The following NCKAP5 variants were observed in gnomAD, a reference collection of about 807,000 sequenced individuals.
NCKAP5 encodes NCK associated protein 5.
A neutral mutation model predicts 167.0 loss-of-function variants in NCKAP5; 92 were observed. The ratio of observed to expected loss-of-function variants is 0.55; its 90% CI spans 0.47 to 0.66. The LOEUF (loss-of-function observed/expected upper bound fraction) is 0.66. NCKAP5 is among the 30% of genes least tolerant of loss of function. The probability of loss-of-function intolerance (pLI) is 0.00; values close to 1 mark genes in which losing one functional copy is unlikely to be tolerated. For missense variants in NCKAP5, 2,378 were observed against 2,315.0 expected, an observed-to-expected ratio of 1.03 and a Z score of -0.56; for synonymous variants, 891 against 877.4, an observed-to-expected ratio of 1.02 and a Z score of -0.27.
At chr2:133,488,794 T>C (rs1174470043) in intron 3 of NCKAP5, among the ~76,000 whole-genome samples, 5 of 152,170 alleles carry the variant, frequency 3.3e-5, no homozygotes, top group Non-Finnish European at 5.9e-5. Flanking sequence ...CACGCACCTA[T>C]AGTCTCAGCT....
Position 133,449,462 on chromosome 2 carries a change from G to C in NCKAP5, c.69+67996C>G, listed in dbSNP as rs563514840. Among the ~76,000 whole-genome samples the C allele has an allele frequency of 1.9e-3, 286 of 152,258 alleles. 4 individuals are homozygous for C. Among genetic ancestry groups the C allele is most frequent in the Middle Eastern group, 3.4e-3 (1 of 294 alleles). On this transcript the variant is annotated intron_variant, in intron 3 of 19. Coordinates refer to ENST00000409261, the MANE Select transcript of NCKAP5 (RefSeq NM_207363.3). ...CAAAACAGGTGAATGGCATATTATA[G>C]ACAACAGGGAACACACGTTCTCCCT...
chr2:132,883,237 C>CACACACAT (rs56707659), intron 8 of NCKAP5, among the ~76,000 whole-genome samples: 1 of 148,510 alleles, frequency 6.7e-6, no homozygotes, highest in African/African-American at 2.5e-5. Context: ...CACACACACA[C>CACACACAT]GACACCCACC....
At chr2:133,515,039 C>G (rs997299812) in intron 3 of NCKAP5, among the ~76,000 whole-genome samples, 1 of 152,134 alleles carries the variant, frequency 6.6e-6, no homozygotes, top group African/African-American at 2.4e-5. Context: ...AGAATCTTCC[C>G]TACCTGCTTC....
chr2:133,116,542 A>T (rs1171477022), intron 6 of NCKAP5, among the ~76,000 whole-genome samples: 5 of 151,804 alleles, frequency 3.3e-5, no homozygotes, highest in African/African-American at 1.2e-4. Flanking sequence ...CATGCAGAAC[A>T]TACCTCAAGC....
At chr2:132,806,587 C>T (rs1685457972) in intron 11 of NCKAP5, among the ~76,000 whole-genome samples, 1 of 152,094 alleles carries the variant, frequency 6.6e-6, no homozygotes, top group African/African-American at 2.4e-5. Context: ...ATTGTCTATT[C>T]ACGTCCTTAG....
Position 132,860,595 on chromosome 2 carries a change from C to G in NCKAP5, c.704G>C (p.Cys235Ser). Residue 235 changes from cysteine to serine, a missense_variant, in exon 11 of 20, where the codon TGT becomes TCT. By Grantham distance (112) the Cys-to-Ser change is moderately radical (BLOSUM62 -1). Transcript: ENST00000409261. ...AAACACTCTTGTTTTCAACTTCACA[C>G]ATTCCTCTCTTAGATCCTACAACAA... ...LLTQKDLREECVKLKTRVFDL... is the reference protein window; with the variant it reads ...LLTQKDLREESVKLKTRVFDL... 6.3e-7 allele frequency: 1 copy of G among 1,575,834 alleles called. No individual in the cohort carries two copies. Among genetic ancestry groups the G allele is most frequent in the South Asian group, 1.2e-5 (1 of 85,954 alleles).
chr2:133,465,446 G>A lies in NCKAP5; in HGVS notation c.69+52012C>T, dbSNP rs999112974. Among the ~76,000 whole-genome samples, 129 of 151,720 alleles carry A rather than the reference G, an allele frequency of 8.5e-4. 1 individual carries two copies. The highest frequency in any genetic ancestry group is 2.4e-3 in the African/African-American group (101 of 41,302). On this transcript the variant is annotated intron_variant, in intron 3 of 19. Transcript: ENST00000409261. The stretch of plus-strand genomic sequence containing the variant: ...GGGTTGGTTCCAAGTCTTTGCTATC[G>A]TGAATAATGCCGCAATAAACACACG...
At chr2:133,126,022 TAG>T (rs775904518) in intron 6 of NCKAP5, among the ~76,000 whole-genome samples, 17 of 152,202 alleles carry the variant, frequency 1.1e-4, no homozygotes, top group Non-Finnish European at 1.9e-4. Flanking sequence ...TACTCATTAA[TAG>T]AGACAATCAC....
At chr2:133,091,248 G>A (rs1042266608) in intron 6 of NCKAP5, among the ~76,000 whole-genome samples, 7 of 152,116 alleles carry the variant, frequency 4.6e-5, no homozygotes, top group African/African-American at 1.7e-4. Flanking sequence ...AGGCATGCAA[G>A]AACGAACGAA....
At chr2:133,200,061 C>CTTTTTTTTTTTTTTTT (rs70973417) in intron 5 of NCKAP5, among the ~76,000 whole-genome samples, 2 of 109,396 alleles carry the variant, frequency 1.8e-5, no homozygotes, top group Admixed American at 1.1e-4. Flanking sequence ...TTTTTTCTTT[C>CTTTTTTTTTTTTTTTT]TTTTTTTTTT....
chr2:132,946,242 A>G (rs1254776976), intron 8 of NCKAP5, among the ~76,000 whole-genome samples: 10 of 152,174 alleles, frequency 6.6e-5, no homozygotes, highest in Admixed American at 6.5e-4. Context: ...ATGAGGTTCC[A>G]TAAGATATTC....
At chr2:132,756,637 C>T (rs1351202494) in intron 16 of NCKAP5, among the ~76,000 whole-genome samples, 1 of 151,492 alleles carries the variant, frequency 6.6e-6, no homozygotes, top group East Asian at 2.0e-4. Context: ...AGGAAAGGGA[C>T]TGATTTATTT....
chr2:133,125,147 A>G (rs1343072252), intron 6 of NCKAP5, among the ~76,000 whole-genome samples: 1 of 151,962 alleles, frequency 6.6e-6, no homozygotes, highest in African/African-American at 2.4e-5. Context: ...GCACAATTAT[A>G]TATATGAAAT....
At chr2:133,045,062 A>G (rs960324322) in intron 6 of NCKAP5, among the ~76,000 whole-genome samples, 1 of 152,066 alleles carries the variant, frequency 6.6e-6, no homozygotes, top group African/African-American at 2.4e-5. Context: ...GAAAGAAGAA[A>G]AAAAAAAGAA....
At chr2:133,384,771 T>G (rs918713565) in intron 3 of NCKAP5, among the ~76,000 whole-genome samples, 5 of 152,202 alleles carry the variant, frequency 3.3e-5, no homozygotes, top group African/African-American at 1.2e-4. Flanking sequence ...TTCACATCCC[T>G]TGTAAGTTGG....
intron 4 of NCKAP5, among the ~76,000 whole-genome samples, chr2:133,265,389 G>T (rs2089144296): frequency 6.6e-6 from 1 of 152,166 alleles, no homozygotes; most frequent in South Asian, 2.1e-4. Flanking sequence ...TCTCTAAGGG[G>T]TAGTGTAGGG....
At chr2:133,667,843 A>C in the NCKAP5 span, among the ~76,000 whole-genome samples, 1 of 151,946 alleles carries the variant, frequency 6.6e-6, no homozygotes, top group Non-Finnish European at 1.5e-5. Flanking sequence ...GTAGGCTTTA[A>C]TATATTCACA....
intron 19 of NCKAP5, among the ~76,000 whole-genome samples, chr2:132,709,093 A>C (rs1247127641): frequency 6.6e-6 from 1 of 152,084 alleles, no homozygotes. Flanking sequence ...TATTATTTCT[A>C]GTAACTGTCT....
intron 6 of NCKAP5, among the ~76,000 whole-genome samples, chr2:133,095,399 G>A (rs1471235497): frequency 3.3e-5 from 5 of 152,130 alleles, no homozygotes; most frequent in South Asian, 2.1e-4. Flanking sequence ...GGTCAGGCTC[G>A]TGACTGGTTT....
Sources: gnomAD v4.1 joint callset for allele counts (sites outside exome capture counted in the v4.1 genomes callset) on GRCh38, gnomAD v4.1.1 for gene constraint, MANE v1.5 for transcripts, NCBI Gene and HGNC (gene_info 2026-07-23, HGNC 2026-07-21) for gene names.